MYO18B: variants seen among roughly 807,000 people sequenced by gnomAD.
The protein encoded by MYO18B is myosin XVIIIB.
MYO18B carries 204 observed loss-of-function variants against 273.0 expected under a neutral mutation model. That is an observed-to-expected ratio of 0.75 (90% CI 0.67 to 0.84). The LOEUF is 0.84. MYO18B is among the 40% of genes least tolerant of loss of function. The pLI is 0.00. For missense variants in MYO18B, 3,212 were observed against 3,287.6 expected (o/e 0.98, Z 0.56); for synonymous variants, 1,330 against 1,305.7 (o/e 1.02, Z -0.40).
intron 2 of MYO18B, among the ~76,000 whole-genome samples, chr22:25,761,920 G>C (rs1470178319): frequency 6.6e-6 from 1 of 152,158 alleles, no homozygotes; most frequent in Middle Eastern, 3.4e-3. Flanking sequence ...TCAGGAGTTC[G>C]AGACCAGTCT....
chr22:25,842,979 G>A (rs935592234), intron 17 of MYO18B, among the ~76,000 whole-genome samples: 1 of 152,116 alleles, frequency 6.6e-6, no homozygotes, highest in Admixed American at 6.6e-5. Context: ...TGACCATTAT[G>A]TGCCCGGACA....
intron 12 of MYO18B, among the ~76,000 whole-genome samples, chr22:25,820,466 G>T (rs892084704): frequency 1.3e-5 from 2 of 152,132 alleles, no homozygotes; most frequent in African/African-American, 4.8e-5. Flanking sequence ...ATCCCTGTTG[G>T]TGGCTGTGAT....
At chr22:26,020,541 G>T (rs111663192) in intron 42 of MYO18B, among the ~76,000 whole-genome samples, 10,159 of 152,180 alleles carry the variant, frequency 0.067, 476 homozygotes, top group Admixed American at 0.17. Context: ...TCAGACAAGG[G>T]TTAAGATTTT....
chr22:25,832,863 C>A, intron 15 of MYO18B, 54 bp from the exon 16 acceptor site: 1 of 1,470,438 alleles, frequency 6.8e-7, no homozygotes, highest in Middle Eastern at 1.7e-4. Context: ...CAGAAGTTTT[C>A]TTCCCCCTTC....
At chr22:25,816,265 CTGAG>C (rs1394551671) in intron 12 of MYO18B, among the ~76,000 whole-genome samples, 1 of 152,184 alleles carries the variant, frequency 6.6e-6, no homozygotes, top group Non-Finnish European at 1.5e-5. Flanking sequence ...GAGGAAATCT[CTGAG>C]TGGGATCATA....
In MYO18B at chr22:25,910,949, C is replaced by T. The variant is rs749900091; in HGVS notation, c.5263C>T (p.His1755Tyr). ...DVRQSCQKRL[H>Y]QLEMQLEQEY... ...TTTCTTCCCTGTGTATCCACAGCTTCATCAGCTGGAAATGCAGCTGGAGCA... is the reference window on the plus strand; with the variant it reads ...TTTCTTCCCTGTGTATCCACAGCTTTATCAGCTGGAAATGCAGCTGGAGCA... Residue 1755 changes from histidine (H) to tyrosine (Y), a missense_variant, in exon 33 of 44, where the codon CAT becomes TAT. Physicochemically the swap from His to Tyr is moderately conservative, Grantham distance 83 (BLOSUM62 2). Coordinates refer to ENST00000335473, the MANE Select transcript of MYO18B (RefSeq NM_032608.7). The T allele has an allele frequency of 1.0e-5, 16 of 1,587,558 alleles. No individual in the cohort carries two copies. The Admixed American group carries it at 1.8e-4, about 18-fold the overall frequency.
intron 31 of MYO18B, among the ~76,000 whole-genome samples, chr22:25,905,344 T>C (rs1295841546): frequency 6.6e-6 from 1 of 152,242 alleles, no homozygotes; most frequent in East Asian, 1.9e-4. Flanking sequence ...TCAGTCAGCC[T>C]GTATTTATTA....
At chr22:25,760,142 G>A (rs979348463) in intron 1 of MYO18B, among the ~76,000 whole-genome samples, 2 of 152,072 alleles carry the variant, frequency 1.3e-5, no homozygotes, top group African/African-American at 2.4e-5. Flanking sequence ...CTGGCTGGGC[G>A]TGGTGGCTCA....
chr22:25,780,087 C>A lies in MYO18B; in HGVS notation c.2100C>A (p.Leu700=). The part of the protein sequence containing the change: ...VEKIRATFTV[L]RAFGSVSMAH... ...AGATCCGAGCCACCTTCACTGTCCT[C>A]CGGGCCTTCGGCTCTGTGTCCATGG... is the stretch of plus-strand genomic sequence containing the variant. Residue 700 remains leucine, a synonymous_variant, in exon 9 of 44, where the codon CTC becomes CTA. Coordinates refer to ENST00000335473, the MANE Select transcript of MYO18B (RefSeq NM_032608.7). The A allele has an allele frequency of 6.3e-7, 1 of 1,597,572 alleles. No homozygotes were observed. The highest frequency in any genetic ancestry group is 8.5e-7 in the Non-Finnish European group (1 of 1,173,202).
At position 25,874,280 on chromosome 22, in the gene MYO18B, C is replaced by A; in HGVS notation, c.3952-6C>A. ...AGGACTCACCTGAAACCTTCCCTCT[C>A]CCCAGGTTTTTCTCAAGGCAGGTGT... On this transcript the variant is annotated splice_polypyrimidine_tract_variant and splice_region_variant and intron_variant, in intron 22 of 43. Transcript: ENST00000335473. 1 of 1,613,942 alleles carries A rather than the reference C, an allele frequency of 6.2e-7. No individual in the cohort carries two copies.
At chr22:25,960,710 A>G (rs182000612) in intron 39 of MYO18B, among the ~76,000 whole-genome samples, 2 of 152,002 alleles carry the variant, frequency 1.3e-5, no homozygotes, top group East Asian at 1.9e-4. Flanking sequence ...TGCTCACTCT[A>G]TCTTTATTTA....
At position 25,895,200 on chromosome 22, in the gene MYO18B, G is replaced by A. The variant is rs370571897; in HGVS notation, c.4588G>A (p.Glu1530Lys). Residue 1530 changes from glutamate to lysine, a missense_variant, in exon 28 of 44, where the codon GAG (glutamate) becomes AAG (lysine). By Grantham distance (56) the Glu-to-Lys change is moderately conservative. Transcript: ENST00000335473. ...MRFDCAQMEN[E>K]FLRKRLQQCE... ...CTTCGACTGTGCTCAGATGGAGAAC[G>A]AGTTCCTCAGAAAGCGTCTGCAGCA... The A allele has an allele frequency of 3.1e-5, 50 of 1,611,440 alleles. No homozygotes were observed. Among genetic ancestry groups the A allele is most frequent in the Non-Finnish European group, 4.2e-5 (49 of 1,178,994 alleles).
intron 34 of MYO18B, among the ~76,000 whole-genome samples, chr22:25,930,577 C>T (rs539245570): frequency 2.0e-4 from 31 of 151,226 alleles, no homozygotes; most frequent in African/African-American, 7.3e-5. Context: ...GTGGTGCAAT[C>T]GCGGTTTACT....
chr22:25,769,529 G>A lies in MYO18B; in HGVS notation c.1512+101G>A, dbSNP rs1475072950. 14 of 1,111,964 alleles carry A rather than the reference G, an allele frequency of 1.3e-5. 1 individual carries two copies. The highest frequency in any genetic ancestry group is 3.4e-5 in the South Asian group (2 of 58,802). 68.9% of individuals were successfully genotyped at this position (1,111,964 alleles called of 1,614,324 possible). On this transcript the variant is annotated intron_variant, in intron 4 of 43. Transcript: ENST00000335473. ...CCCCAGGGATGGACAAGGGGTGGAC[G>A]GGGGGTGGGCAGGGAATTGGAGAGG...
intron 1 of MYO18B, among the ~76,000 whole-genome samples, chr22:25,746,590 T>C (rs951296955): frequency 2.0e-5 from 3 of 152,216 alleles, no homozygotes; most frequent in African/African-American, 7.2e-5. Context: ...AAAATGTCCA[T>C]TGGCAGGCAC....
intron 25 of MYO18B, among the ~76,000 whole-genome samples, chr22:25,878,594 A>G (rs950140436): frequency 6.6e-5 from 10 of 152,224 alleles, no homozygotes; most frequent in African/African-American, 2.2e-4. Flanking sequence ...TCAAGAGTTT[A>G]AGTGTTCAAA....
chr22:26,015,935 A>G (rs1371229263), intron 42 of MYO18B, among the ~76,000 whole-genome samples: 3 of 152,220 alleles, frequency 2.0e-5, no homozygotes, highest in African/African-American at 7.2e-5. Context: ...TCATCTCTAT[A>G]TTGACAGCAT....
chr22:26,063,116 A>G, the MYO18B span, among the ~76,000 whole-genome samples: 1 of 152,196 alleles, frequency 6.6e-6, no homozygotes, highest in Non-Finnish European at 1.5e-5. Context: ...ACCAAAGATC[A>G]TTGATTCCAG....
chr22:25,771,555 C>T (rs945155753), intron 6 of MYO18B, among the ~76,000 whole-genome samples: 1 of 152,128 alleles, frequency 6.6e-6, no homozygotes, highest in African/African-American at 2.4e-5. Context: ...ATGCCCTTTC[C>T]CCCCGCCCCT....
Sources: gnomAD v4.1 joint callset for allele counts (sites outside exome capture counted in the v4.1 genomes callset) on GRCh38, gnomAD v4.1.1 for gene constraint, MANE v1.5 for transcripts, NCBI Gene and HGNC (gene_info 2026-07-23, HGNC 2026-07-21) for gene names.